FADS1: variants seen among roughly 807,000 people sequenced by gnomAD.
FADS1 encodes the protein acyl-CoA (8-3)-desaturase.
In FADS1, 17 loss-of-function variants were observed where a neutral mutation model predicts 61.6. The observed-to-expected ratio is 0.28, with a 90% CI of 0.19 to 0.41. FADS1 has a LOEUF of 0.41. Among genes scored for constraint, FADS1 ranks in the 10% least tolerant of loss-of-function variants. The probability of loss-of-function intolerance (pLI) is 1.00; values close to 1 mark genes in which losing one functional copy is unlikely to be tolerated. For synonymous variants in FADS1, 238 were observed against 258.7 expected (o/e 0.92, Z 0.77); for missense variants, 387 against 650.9 (o/e 0.59, Z 4.41).
rs762962911 is a variant in FADS1, at chr11:61,816,441, C to T, written c.375+114G>A. ...CCGGGCAACAGGTATGATCAGGCGCCTCCGGGCTTTCCTCCGAATTAGTCG... is the reference window on the plus strand; with the variant it reads ...CCGGGCAACAGGTATGATCAGGCGCTTCCGGGCTTTCCTCCGAATTAGTCG... On this transcript the variant is annotated intron_variant, in intron 1 of 11. Transcript: ENST00000350997. The surrounding 1 kb of genome is among the most constrained non-coding windows in gnomAD (Gnocchi z 7.0). The T allele has an allele frequency of 2.5e-6, 4 of 1,599,298 alleles. No individual in the cohort carries two copies. In the Admixed American group the frequency reaches 5.0e-5, roughly 20 times the overall value.
In FADS1 at chr11:61,810,741, C is replaced by T; in HGVS notation, c.915+10G>A. 1 of 1,614,016 alleles carries T rather than the reference C, an allele frequency of 6.2e-7. No homozygotes were observed. Among genetic ancestry groups the T allele is most frequent in the Non-Finnish European group, 8.5e-7 (1 of 1,179,996 alleles). On this transcript the variant is annotated intron_variant, in intron 5 of 11. Transcript: ENST00000350997. Reference sequence around the variant, plus strand: ...TTCCCCAAGACCTTTCCACTGATACCTCCACGCACCTCCACAGAGAGGATC... The same window carrying T: ...TTCCCCAAGACCTTTCCACTGATACTTCCACGCACCTCCACAGAGAGGATC...
intron 7 of FADS1, 86 bp downstream of exon 7, chr11:61,804,599 G>A: frequency 9.6e-7 from 1 of 1,043,062 alleles, no homozygotes; most frequent in Non-Finnish European, 1.5e-6. Flanking sequence ...CCTAGAGTCA[G>A]TCTCAAGTTT....
At chr11:61,811,129 C>A in intron 3 of FADS1, 54 bp from the exon 4 acceptor site, 1 of 1,358,654 alleles carries the variant, frequency 7.4e-7, no homozygotes, top group Non-Finnish European at 1.0e-6. Flanking sequence ...GTGTCGCCTT[C>A]ACTGACCTCG....
At position 61,802,963 on chromosome 11, in the gene FADS1, C is replaced by T; in HGVS notation, c.1329-37G>A. On this transcript the variant is annotated intron_variant, in intron 10 of 11. Transcript: ENST00000350997. The surrounding 1 kb of genome is among the most constrained non-coding windows in gnomAD (Gnocchi z 4.2). Reference sequence around the variant, plus strand: ...ACGGGGGAGTCAGTGGTTCCTGCTTCTCTGCTCCCACCTGTACCCAACACT... The same window carrying T: ...ACGGGGGAGTCAGTGGTTCCTGCTTTTCTGCTCCCACCTGTACCCAACACT... The T allele has an allele frequency of 6.2e-7, 1 of 1,613,052 alleles. No homozygotes were observed. The highest frequency in any genetic ancestry group is 2.2e-5 in the East Asian group (1 of 44,860).
chr11:61,808,705 T>C (rs2066911971), intron 5 of FADS1, among the ~76,000 whole-genome samples: 1 of 152,342 alleles, frequency 6.6e-6, no homozygotes, highest in East Asian at 1.9e-4. Flanking sequence ...CGCCCCTTTT[T>C]CAATTTTTTC....
chr11:61,808,687 A>G lies in FADS1; in HGVS notation c.916-1963T>C, dbSNP rs577774644. On this transcript the variant is annotated intron_variant, in intron 5 of 11. Transcript: ENST00000350997. ...ACAGTTCCACAATAGGAAGCCCCCA[A>G]GCAAGGGCGCCCCTTTTTCAATTTT... Among the ~76,000 whole-genome samples the G allele has an allele frequency of 3.0e-4, 46 of 152,362 alleles. 1 individual carries two copies. Among genetic ancestry groups the G allele is most frequent in the African/African-American group, 1.1e-3 (45 of 41,582 alleles).
intron 1 of FADS1, chr11:61,814,887 T>C (rs573158798): frequency 1.3e-4 from 20 of 152,624 alleles, no homozygotes; most frequent in African/African-American, 4.1e-4. Flanking sequence ...CCGTCCCTTC[T>C]TGCGGGTCTT....
intron 2 of FADS1, 42 bp downstream of exon 2, chr11:61,813,201 T>A (rs750268229): frequency 8.2e-7 from 1 of 1,215,578 alleles, no homozygotes; most frequent in Non-Finnish European, 1.2e-6. Context: ...TCTGTCCCCC[T>A]CAACAACCAA....
At chr11:61,811,847 C>T (rs1164085845) in intron 3 of FADS1, 1 of 446,508 alleles carries the variant, frequency 2.2e-6, no homozygotes, top group South Asian at 1.6e-5. Context: ...CTTGGCCTCC[C>T]AAGGTACTGG....
Position 61,816,343 on chromosome 11 carries a change from C to G in FADS1, c.375+212G>C. On this transcript the variant is annotated intron_variant, in intron 1 of 11. Transcript: ENST00000350997. The surrounding 1 kb of genome is among the most constrained non-coding windows in gnomAD (Gnocchi z 7.0). ...TGTGTGCGTGTTGTTGGCCTCCATCCCCACTCCCCAGACTCCACTTCTCCA... is the reference window on the plus strand; with the variant it reads ...TGTGTGCGTGTTGTTGGCCTCCATCGCCACTCCCCAGACTCCACTTCTCCA... 6.3e-7 allele frequency: 1 copy of G among 1,598,392 alleles called. No homozygotes were observed. The highest frequency in any genetic ancestry group is 1.1e-5 in the South Asian group (1 of 91,074).
chr11:61,802,822 G>T lies in FADS1; in HGVS notation c.1433C>A (p.Ser478Ter). The change falls in exon 11 of 12, where the codon TCA becomes TAA. Residue 478 changes from serine (S) to a stop codon, truncating the protein, a stop_gained. Transcript: ENST00000350997. LOFTEE classifies it high-confidence loss of function. This position sits in a 1 kb window ranked among gnomAD's most constrained non-coding sequence, Gnocchi z 4.2. Reference protein sequence around the residue: ...GIEYQSKPLLSAFADIIHSLK... With the variant: ...GIEYQSKPLL The stretch of plus-strand genomic sequence containing the variant: ...TCACTGGATGATGTCGGCGAAGGCT[G>T]ACAGCAGGGGCTTGGACTGGTACTC... 6.2e-7 allele frequency: 1 copy of T among 1,614,240 alleles called. No individual in the cohort carries two copies. Among genetic ancestry groups the T allele is most frequent in the South Asian group, 1.1e-5 (1 of 91,066 alleles).
chr11:61,804,801 G>T (rs61695276), intron 6 of FADS1, 40 bp from the exon 7 acceptor site: 2 of 1,565,386 alleles, frequency 1.3e-6, no homozygotes, highest in African/African-American at 1.4e-5. Flanking sequence ...CATGAGCACA[G>T]GAAGGTCATG....
Position 61,806,710 on chromosome 11 carries a change from C to T in FADS1, c.930G>A (p.Lys310=). The change falls in exon 6 of 12, where the codon AAG becomes AAA. Residue 310 remains lysine, a synonymous_variant. Coordinates refer to ENST00000350997, the MANE Select transcript of FADS1 (RefSeq NM_013402.7). The stretch of plus-strand genomic sequence containing the variant: ...GGTGGTTGTACGGCATATATTTTTT[C>T]TTCTGTTTCCCAAGCTGTGAAGAAA... ...KILSVELGKQ[K]KKYMPYNHQH... 1 of 1,614,132 alleles carries T rather than the reference C, an allele frequency of 6.2e-7. No homozygotes were observed. The highest frequency in any genetic ancestry group is 2.2e-5 in the East Asian group (1 of 44,886).
intron 6 of FADS1, chr11:61,805,031 T>C (rs776040188): frequency 1.8e-5 from 10 of 540,824 alleles, no homozygotes; most frequent in Admixed American, 3.3e-5. Flanking sequence ...TGACAGGTGC[T>C]TGGGAACTCA....
chr11:61,802,708 CCTT>C lies in FADS1; in HGVS notation c.1454+90_1454+92del, dbSNP rs755117796. On this transcript the variant is annotated intron_variant, in intron 11 of 11. Transcript: ENST00000350997. This position sits in a 1 kb window ranked among gnomAD's most constrained non-coding sequence, Gnocchi z 4.2. ...ACTCCATCCCACACGACTGGGAACA[CCTT>C]CTGTTCACTCCCCACCCTACATGTC... The C allele has an allele frequency of 1.7e-5, 27 of 1,556,550 alleles. No homozygotes were observed. Among genetic ancestry groups the C allele is most frequent in the Non-Finnish European group, 2.4e-5 (27 of 1,134,628 alleles).
chr11:61,813,901 G>A (rs2066950667), intron 1 of FADS1, among the ~76,000 whole-genome samples: 2 of 147,902 alleles, frequency 1.4e-5, no homozygotes, highest in African/African-American at 2.4e-5. Flanking sequence ...GGGGGAGGGC[G>A]GAGCCTGCAG....
At chr11:61,813,392 G>T in intron 1 of FADS1, 39 bp from the exon 2 acceptor site, 1 of 1,266,982 alleles carries the variant, frequency 7.9e-7, no homozygotes, top group Non-Finnish European at 1.2e-6. Context: ...GAGGGAGCCA[G>T]CCCCCTGGAC....
chr11:61,801,146 A>G lies in FADS1; in HGVS notation c.*1265T>C, dbSNP rs1008708900. 6.6e-6 allele frequency: 1 copy of G among 152,502 alleles called. No homozygotes were observed. The highest frequency in any genetic ancestry group is 1.9e-4 in the East Asian group (1 of 5,326). 9.4% of individuals were successfully genotyped at this position (152,502 alleles called of 1,614,324 possible). A position where few individuals can be genotyped will look rare whatever the true frequency, so the allele number is the denominator to read the frequency against. On this transcript the variant is annotated 3_prime_UTR_variant, in exon 12 of 12. Transcript: ENST00000350997. ...TCTGCTCCTGCTCAAAAATAATTCT[A>G]TAACATCATTTAGGTTATAGAAAGT... is the stretch of plus-strand genomic sequence containing the variant.
At position 61,801,652 on chromosome 11, in the gene FADS1, C is replaced by G. The variant is rs998777711; in HGVS notation, c.*759G>C. 1 of 152,404 alleles carries G rather than the reference C, an allele frequency of 6.6e-6. No homozygotes were observed. Among genetic ancestry groups the G allele is most frequent in the African/African-American group, 2.4e-5 (1 of 41,462 alleles). The allele number at this position is 152,404 out of a possible 1,614,324, so 9.4% of individuals were successfully genotyped here. A position where few individuals can be genotyped will look rare whatever the true frequency, so the allele number is the denominator to read the frequency against. On this transcript the variant is annotated 3_prime_UTR_variant, in exon 12 of 12. Transcript: ENST00000350997. The stretch of plus-strand genomic sequence containing the variant: ...TGCTTCTGAAACTGGAGAATGGCAT[C>G]TCCCAGCAGCCTAAGGCAGACATAG...
Sources: allele counts gnomAD v4.1 joint callset (sites outside exome capture counted in the v4.1 genomes callset), GRCh38; gene constraint gnomAD v4.1.1; non-coding constraint Gnocchi (gnomAD v3.1); transcripts MANE v1.5; gene names NCBI Gene and HGNC (gene_info 2026-07-23, HGNC 2026-07-21).